GPM6B: variants seen among roughly 807,000 people sequenced by gnomAD.
GPM6B encodes the protein neuronal membrane glycoprotein M6-b.
GPM6B carries 4 observed loss-of-function variants against 27.2 expected under a neutral mutation model. That is an observed-to-expected ratio of 0.15 (90% CI 0.07 to 0.34). GPM6B has a LOEUF of 0.34. Ranked by LOEUF, GPM6B falls within the 10% of genes least tolerant of loss-of-function variation. The probability of loss-of-function intolerance (pLI) is 1.00; values close to 1 mark genes in which losing one functional copy is unlikely to be tolerated. For synonymous variants in GPM6B, 124 were observed against 103.1 expected (o/e 1.20, Z -1.23); for missense variants, 183 against 261.9 (o/e 0.70, Z 2.08).
intron 1 of GPM6B, among the ~76,000 whole-genome samples, chrX:13,845,483 A>T (rs2049634476): frequency 8.9e-6 from 1 of 112,060 alleles, no homozygotes; most frequent in African/African-American, 3.2e-5. Flanking sequence ...GAGATGATAG[A>T]TTTTATTTTT....
intron 2 of GPM6B, among the ~76,000 whole-genome samples, chrX:13,797,344 T>A (rs1162246210): frequency 9.0e-6 from 1 of 110,994 alleles, no homozygotes; most frequent in Admixed American, 9.6e-5. Context: ...TAGGGACAGA[T>A]CTCTTTGGTT....
At chrX:13,918,061 T>C (rs1327714046) in intron 1 of GPM6B, among the ~76,000 whole-genome samples, 4 of 113,049 alleles carry the variant, frequency 3.5e-5, no homozygotes, top group Non-Finnish European at 7.5e-5. Flanking sequence ...GTGGTAGAAA[T>C]GTAGACCAGT....
intron 1 of GPM6B, among the ~76,000 whole-genome samples, chrX:13,899,055 G>T (rs1236024506): frequency 3.6e-5 from 4 of 111,619 alleles, no homozygotes; most frequent in Non-Finnish European, 5.6e-5. Context: ...ACTCTTTAAT[G>T]CATATAAAGC....
chrX:13,924,818 G>A (rs1252138056), intron 1 of GPM6B, among the ~76,000 whole-genome samples: 1 of 111,327 alleles, frequency 9.0e-6, no homozygotes, highest in Non-Finnish European at 1.9e-5. Context: ...CCCTGCTCTT[G>A]GAGAAAATAT....
intron 1 of GPM6B, among the ~76,000 whole-genome samples, chrX:13,831,393 C>T (rs911443296): frequency 2.7e-5 from 3 of 111,248 alleles, no homozygotes; most frequent in African/African-American, 6.6e-5. Flanking sequence ...TTGCCAGTCA[C>T]GAGGCCATGG....
intron 1 of GPM6B, among the ~76,000 whole-genome samples, chrX:13,901,429 T>A (rs2050281039): frequency 1.6e-5 from 1 of 63,851 alleles, no homozygotes; most frequent in South Asian, 1.2e-3. Flanking sequence ...CTTCCTTGTT[T>A]TTTTTTTTAA....
chrX:13,860,743 G>A (rs1427689044), intron 1 of GPM6B, among the ~76,000 whole-genome samples: 1 of 109,880 alleles, frequency 9.1e-6, no homozygotes, highest in Non-Finnish European at 1.9e-5. Flanking sequence ...CCCAAGCAGT[G>A]TACACTGTAC....
At chrX:13,868,182 A>G (rs1603096311) in intron 1 of GPM6B, among the ~76,000 whole-genome samples, 1 of 57,194 alleles carries the variant, frequency 1.7e-5, no homozygotes, top group East Asian at 7.0e-4. Flanking sequence ...GCTCATAGAC[A>G]TTTAAATTGT....
At chrX:13,905,230 C>CAAAAAAAAAAAAAAA (rs199791285) in intron 1 of GPM6B, among the ~76,000 whole-genome samples, 1 of 64,742 alleles carries the variant, frequency 1.5e-5, no homozygotes, top group Non-Finnish European at 2.9e-5. Flanking sequence ...GGCCCTGTCT[C>CAAAAAAAAAAAAAAA]AAAAAAAAAA....
chrX:13,859,909 A>T (rs1242853142), intron 1 of GPM6B, among the ~76,000 whole-genome samples: 1 of 112,058 alleles, frequency 8.9e-6, no homozygotes, highest in Non-Finnish European at 1.9e-5. Flanking sequence ...TACTGAAATA[A>T]ATGAATAGGG....
intron 1 of GPM6B, among the ~76,000 whole-genome samples, chrX:13,911,570 T>C (rs930851116): frequency 3.0e-4 from 34 of 112,634 alleles, no homozygotes; most frequent in Middle Eastern, 4.6e-3. Context: ...GACCATCATA[T>C]TGGAAAGGCA....
At chrX:13,861,037 C>CAT (rs1269883065) in intron 1 of GPM6B, among the ~76,000 whole-genome samples, 1 of 41,942 alleles carries the variant, frequency 2.4e-5, no homozygotes, top group Non-Finnish European at 3.7e-5. Context: ...CACACACACA[C>CAT]ACACACATAT....
intron 1 of GPM6B, among the ~76,000 whole-genome samples, chrX:13,910,144 C>T (rs1422097590): frequency 1.8e-5 from 2 of 112,302 alleles, no homozygotes; most frequent in Admixed American, 1.9e-4. Flanking sequence ...GTGTGGCTCC[C>T]CCTTAACCGG....
intron 1 of GPM6B, among the ~76,000 whole-genome samples, chrX:13,811,645 C>A (rs749151502): frequency 9.8e-5 from 11 of 112,078 alleles, no homozygotes; most frequent in Non-Finnish European, 1.9e-4. Flanking sequence ...TGAATAGTTA[C>A]AACAGACACT....
chrX:13,897,294 G>A (rs73455444), intron 1 of GPM6B, among the ~76,000 whole-genome samples: 3,462 of 111,666 alleles, frequency 0.031, 149 homozygotes, highest in African/African-American at 0.11. Flanking sequence ...TTTACTTACT[G>A]TCATAATATC....
intron 2 of GPM6B, among the ~76,000 whole-genome samples, chrX:13,802,959 G>C (rs1193683020): frequency 8.9e-6 from 1 of 111,769 alleles, no homozygotes; most frequent in Non-Finnish European, 1.9e-5. Context: ...TATGGCCAGA[G>C]GTGGAATGGT....
chrX:13,926,325 G>A (rs1387364506), intron 1 of GPM6B, among the ~76,000 whole-genome samples: 2 of 107,826 alleles, frequency 1.9e-5, no homozygotes, highest in African/African-American at 3.4e-5. Context: ...GGACAATGGC[G>A]TGAACCCAGG....
intron 1 of GPM6B, among the ~76,000 whole-genome samples, chrX:13,846,627 AC>A (rs2049650208): frequency 9.2e-6 from 1 of 108,685 alleles, no homozygotes; most frequent in African/African-American, 3.4e-5. Context: ...AGTAGCTGGT[AC>A]TACAGGCGCC....
chrX:13,873,127 G>C (rs1387221949), intron 1 of GPM6B, among the ~76,000 whole-genome samples: 1 of 93,769 alleles, frequency 1.1e-5, no homozygotes, highest in Non-Finnish European at 2.1e-5. Flanking sequence ...GCTTTGGCCT[G>C]ATTCCCATGG....
Sources: allele counts gnomAD v4.1 joint callset (sites outside exome capture counted in the v4.1 genomes callset), GRCh38; gene constraint gnomAD v4.1.1; transcripts MANE v1.5; gene names NCBI Gene and HGNC (gene_info 2026-07-23, HGNC 2026-07-21).